The following PCDHA3 variants were observed in gnomAD, a reference collection of about 807,000 sequenced individuals.
The protein encoded by PCDHA3 is protocadherin alpha-3.
A neutral mutation model predicts 62.2 loss-of-function variants in PCDHA3; 41 were observed. That is an observed-to-expected ratio of 0.66 (90% CI 0.51 to 0.86). The LOEUF is 0.86. PCDHA3 is among the 40% of genes least tolerant of loss of function. PCDHA3 has a pLI of 0.00. For missense variants in PCDHA3, 1,304 were observed against 1,241.2 expected, an observed-to-expected ratio of 1.05 and a Z score of -0.76; for synonymous variants, 640 against 555.4, an observed-to-expected ratio of 1.15 and a Z score of -2.14.
At chr5:140,830,285 T>C (rs2150184393) in intron 1 of PCDHA3, 7 of 1,613,564 alleles carry the variant, frequency 4.3e-6, no homozygotes, top group East Asian at 2.2e-5. Context: ...CGAGGGCGCG[T>C]GCACGGCGGA....
At chr5:140,831,569 C>T (rs2150196333) in intron 1 of PCDHA3, among the ~76,000 whole-genome samples, 8,259 of 146,924 alleles carry the variant, frequency 0.056, 800 homozygotes, top group African/African-American at 0.2. Context: ...CTCCATGTTG[C>T]CCAGGCTGGT....
At chr5:140,843,002 A>G in intron 1 of PCDHA3, 2 of 1,595,004 alleles carry the variant, frequency 1.3e-6, no homozygotes, top group Non-Finnish European at 1.7e-6. Context: ...CGAGAATGAC[A>G]ACGCGCCGGC....
chr5:140,891,076 A>G (rs2062939819), intron 1 of PCDHA3, among the ~76,000 whole-genome samples: 1 of 152,160 alleles, frequency 6.6e-6, no homozygotes, highest in African/African-American at 2.4e-5. Flanking sequence ...TCCAGTGTCT[A>G]CTGGTTTCCA....
At chr5:140,833,265 A>T (rs1554133806) in intron 1 of PCDHA3, among the ~76,000 whole-genome samples, 1 of 152,214 alleles carries the variant, frequency 6.6e-6, no homozygotes, top group East Asian at 1.9e-4. Context: ...AGCAGCAATT[A>T]TAAAAACTTA....
intron 1 of PCDHA3, among the ~76,000 whole-genome samples, chr5:140,970,178 A>T (rs1190328996): frequency 6.6e-6 from 1 of 152,214 alleles, no homozygotes; most frequent in East Asian, 1.9e-4. Context: ...GCATACTCTG[A>T]ATTCATTGTA....
intron 1 of PCDHA3, chr5:140,848,846 C>G: frequency 6.3e-7 from 1 of 1,590,530 alleles, no homozygotes; most frequent in Non-Finnish European, 8.6e-7. Flanking sequence ...TGCAGGTTTT[C>G]CATGTGGACG....
At chr5:140,870,052 A>G (rs782520778) in intron 1 of PCDHA3, 7 of 1,613,830 alleles carry the variant, frequency 4.3e-6, no homozygotes, top group Non-Finnish European at 5.1e-6. Flanking sequence ...GTTTTATAAA[A>G]TTGAAGTACA....
intron 1 of PCDHA3, among the ~76,000 whole-genome samples, chr5:140,917,584 A>T (rs2153544569): frequency 6.6e-6 from 1 of 152,336 alleles, no homozygotes; most frequent in South Asian, 2.1e-4. Context: ...ATTTTTGTTC[A>T]TGCTGAAAGG....
chr5:140,862,714 G>C, intron 1 of PCDHA3: 1 of 562,754 alleles, frequency 1.8e-6, no homozygotes, highest in South Asian at 1.4e-5. Flanking sequence ...GCGGGTGGGC[G>C]AGTGCGCGCT....
At chr5:140,967,144 C>T (rs1042081336) in intron 1 of PCDHA3, 9 of 1,611,144 alleles carry the variant, frequency 5.6e-6, no homozygotes, top group Non-Finnish European at 7.6e-6. Context: ...TGCTGGCGCA[C>T]AACCCCGTGG....
intron 1 of PCDHA3, chr5:140,876,844 C>T (rs200154646): frequency 1.2e-6 from 2 of 1,614,016 alleles, no homozygotes; most frequent in East Asian, 2.2e-5. Context: ...GTTCGCGCAG[C>T]CCGAGTACAC....
intron 1 of PCDHA3, chr5:140,822,550 T>A (rs2150117241): frequency 6.2e-7 from 1 of 1,613,768 alleles, no homozygotes; most frequent in South Asian, 1.1e-5. Flanking sequence ...AAGTGGGACA[T>A]TAGTTATTAA....
intron 1 of PCDHA3, among the ~76,000 whole-genome samples, chr5:140,903,417 T>C (rs1583492047): frequency 6.6e-6 from 1 of 152,200 alleles, no homozygotes; most frequent in Non-Finnish European, 1.5e-5. Flanking sequence ...CAGGAAAAAT[T>C]CAGCACAATA....
chr5:140,927,942 T>C, intron 1 of PCDHA3: 1 of 1,614,226 alleles, frequency 6.2e-7, no homozygotes, highest in Non-Finnish European at 8.5e-7. Flanking sequence ...ACCCAGTACC[T>C]GAGGACGCTG....
At chr5:140,871,015 G>C in intron 1 of PCDHA3, 1 of 1,613,244 alleles carries the variant, frequency 6.2e-7, no homozygotes, top group Non-Finnish European at 8.5e-7. Context: ...TGCCCTGGAC[G>C]AGGCAGACTC....
At chr5:140,941,197 TTCTTC>T (rs1554213863) in intron 1 of PCDHA3, among the ~76,000 whole-genome samples, 1 of 112,110 alleles carries the variant, frequency 8.9e-6, no homozygotes. Context: ...TTTTTTTTCT[TTCTTC>T]CTTTCTTTCT....
At chr5:140,960,841 T>C (rs1554225062) in intron 1 of PCDHA3, among the ~76,000 whole-genome samples, 1 of 152,222 alleles carries the variant, frequency 6.6e-6, no homozygotes, top group African/African-American at 2.4e-5. Context: ...GGAACAGGTT[T>C]AATGGCAACT....
chr5:140,880,365 C>A (rs1462418898), intron 1 of PCDHA3, among the ~76,000 whole-genome samples: 1 of 151,976 alleles, frequency 6.6e-6, no homozygotes, highest in Non-Finnish European at 1.5e-5. Flanking sequence ...TAGATGAAAA[C>A]CATGAGAGAA....
chr5:140,870,708 C>T (rs781841032), intron 1 of PCDHA3: 4 of 1,612,898 alleles, frequency 2.5e-6, no homozygotes, highest in Admixed American at 1.7e-5. Context: ...TCCAGGTGAG[C>T]GCGCGCGATG....
Sources: allele counts gnomAD v4.1 joint callset (sites outside exome capture counted in the v4.1 genomes callset), GRCh38; gene constraint gnomAD v4.1.1; transcripts MANE v1.5; gene names NCBI Gene and HGNC (gene_info 2026-07-23, HGNC 2026-07-21).